GPC6: variants seen among roughly 807,000 people sequenced by gnomAD.
GPC6 encodes glypican-6.
A neutral mutation model predicts 55.2 loss-of-function variants in GPC6; 14 were observed. The ratio of observed to expected loss-of-function variants is 0.25; its 90% CI spans 0.17 to 0.40. The LOEUF is 0.40. Among genes scored for constraint, GPC6 ranks in the 10% least tolerant of loss-of-function variants. The pLI, the probability that GPC6 is intolerant of heterozygous loss-of-function variation, is 1.00. For missense variants in GPC6, 641 were observed against 708.5 expected, an observed-to-expected ratio of 0.90 and a Z score of 1.08; for synonymous variants, 278 against 259.6, an observed-to-expected ratio of 1.07 and a Z score of -0.68.
At chr13:94,240,811 G>C (rs1397384523) in intron 4 of GPC6, among the ~76,000 whole-genome samples, 2 of 152,070 alleles carry the variant, frequency 1.3e-5, no homozygotes, top group Non-Finnish European at 1.5e-5. Flanking sequence ...AATTACAGAG[G>C]AAGCAGGTCT....
chr13:94,288,613 T>G (rs1047537681), intron 5 of GPC6, among the ~76,000 whole-genome samples: 10 of 149,972 alleles, frequency 6.7e-5, no homozygotes, highest in African/African-American at 2.5e-4. Context: ...TTGAGTATAC[T>G]TGTAGCTCCT....
At chr13:93,710,699 A>C (rs555226869) in intron 2 of GPC6, among the ~76,000 whole-genome samples, 4,672 of 130,778 alleles carry the variant, frequency 0.036, 158 homozygotes, top group African/African-American at 0.13. Flanking sequence ...CCCCCCCCCC[A>C]AAAAAAATAT....
chr13:93,486,360 A>G (rs1879711937), intron 1 of GPC6, among the ~76,000 whole-genome samples: 1 of 152,166 alleles, frequency 6.6e-6, no homozygotes, highest in Non-Finnish European at 1.5e-5. Context: ...GGAAGATTTT[A>G]TTTTTAAGAA....
At chr13:93,905,651 G>C (rs1413610759) in intron 3 of GPC6, among the ~76,000 whole-genome samples, 2 of 152,166 alleles carry the variant, frequency 1.3e-5, no homozygotes, top group African/African-American at 4.8e-5. Context: ...TTGGAATTTT[G>C]TTTTACAACA....
chr13:93,236,351 C>G (rs886589260), intron 1 of GPC6, among the ~76,000 whole-genome samples: 22 of 151,868 alleles, frequency 1.4e-4, no homozygotes, highest in African/African-American at 5.1e-4. Flanking sequence ...TTCATTGAAC[C>G]CAAGAGCAAA....
At chr13:94,118,586 C>T (rs565632307) in intron 4 of GPC6, among the ~76,000 whole-genome samples, 3 of 152,136 alleles carry the variant, frequency 2.0e-5, no homozygotes, top group Admixed American at 2.0e-4. Context: ...TCTATTTGCC[C>T]TGCATTATTC....
intron 4 of GPC6, among the ~76,000 whole-genome samples, chr13:94,042,373 C>A (rs182670020): frequency 1.3e-5 from 2 of 151,948 alleles, no homozygotes; most frequent in Admixed American, 1.3e-4. Flanking sequence ...ATACACCATA[C>A]TACAACAATA....
At chr13:93,703,344 A>G (rs1464162080) in intron 2 of GPC6, among the ~76,000 whole-genome samples, 1 of 151,896 alleles carries the variant, frequency 6.6e-6, no homozygotes, top group African/African-American at 2.4e-5. Flanking sequence ...ATCAGAGGTT[A>G]CTGATCACAG....
chr13:93,248,099 G>T (rs572421903), intron 1 of GPC6, among the ~76,000 whole-genome samples: 1 of 152,150 alleles, frequency 6.6e-6, no homozygotes, highest in Admixed American at 6.5e-5. Flanking sequence ...TGATTTAGGA[G>T]TGCCAATTTA....
intron 6 of GPC6, among the ~76,000 whole-genome samples, chr13:94,324,808 TAG>T: frequency 6.6e-6 from 1 of 152,124 alleles, no homozygotes; most frequent in Non-Finnish European, 1.5e-5. Context: ...TGGCAGCCTA[TAG>T]TCGTTCACCA....
chr13:93,974,351 T>C (rs1566629718), intron 3 of GPC6, among the ~76,000 whole-genome samples: 1 of 152,230 alleles, frequency 6.6e-6, no homozygotes, highest in Non-Finnish European at 1.5e-5. Flanking sequence ...GTCAAAATAA[T>C]ATAACTGTTA....
At chr13:94,346,267 G>A (rs1878283652) in intron 6 of GPC6, among the ~76,000 whole-genome samples, 1 of 152,152 alleles carries the variant, frequency 6.6e-6, no homozygotes, top group Admixed American at 6.5e-5. Context: ...ACCCATAACA[G>A]GCATTTATGA....
At chr13:94,189,907 G>C (rs1313827784) in intron 4 of GPC6, among the ~76,000 whole-genome samples, 3 of 152,016 alleles carry the variant, frequency 2.0e-5, no homozygotes, top group Admixed American at 2.0e-4. Context: ...TGTAGTCCCA[G>C]CTACTCAGGA....
At chr13:93,835,891 G>T (rs953430579) in intron 3 of GPC6, among the ~76,000 whole-genome samples, 1 of 152,210 alleles carries the variant, frequency 6.6e-6, no homozygotes, top group Admixed American at 6.5e-5. Context: ...GGGGGAGGTA[G>T]TAGAGCTGGG....
At chr13:94,007,831 T>C (rs1213045681) in intron 3 of GPC6, among the ~76,000 whole-genome samples, 1 of 152,072 alleles carries the variant, frequency 6.6e-6, no homozygotes, top group East Asian at 1.9e-4. Flanking sequence ...TTTTTAGTGT[T>C]TACAGGGACA....
chr13:93,847,421 A>G (rs1390329627), intron 3 of GPC6, among the ~76,000 whole-genome samples: 7 of 152,194 alleles, frequency 4.6e-5, no homozygotes, highest in Admixed American at 4.6e-4. Context: ...TAAATGACTC[A>G]AAACCACATG....
chr13:93,672,474 A>G (rs1881403303), intron 2 of GPC6, among the ~76,000 whole-genome samples: 1 of 151,952 alleles, frequency 6.6e-6, no homozygotes, highest in Non-Finnish European at 1.5e-5. Flanking sequence ...TGTTTTTTTG[A>G]TGATATGTAG....
chr13:94,346,994 AT>A (rs1377617579), intron 6 of GPC6, among the ~76,000 whole-genome samples: 1 of 152,186 alleles, frequency 6.6e-6, no homozygotes, highest in East Asian at 1.9e-4. Context: ...CCATAGCATA[AT>A]ACTAACAGGG....
chr13:93,234,167 T>C (rs1277523184), intron 1 of GPC6, among the ~76,000 whole-genome samples: 1 of 152,168 alleles, frequency 6.6e-6, no homozygotes, highest in Non-Finnish European at 1.5e-5. Flanking sequence ...GCTGATGACA[T>C]TGCCTGGGTC....
Sources: allele counts gnomAD v4.1 joint callset (sites outside exome capture counted in the v4.1 genomes callset), GRCh38; gene constraint gnomAD v4.1.1; transcripts MANE v1.5; gene names NCBI Gene and HGNC (gene_info 2026-07-23, HGNC 2026-07-21).